Variants in TNR observed in about 807,000 individuals in gnomAD.
TNR encodes the protein tenascin R.
A neutral mutation model predicts 150.4 loss-of-function variants in TNR; 45 were observed. The observed-to-expected ratio is 0.30, with a 90% CI of 0.24 to 0.38. The LOEUF is 0.38. Ranked by LOEUF, TNR falls within the 10% of genes least tolerant of loss-of-function variation. The probability of loss-of-function intolerance (pLI) is 1.00; values close to 1 mark genes in which losing one functional copy is unlikely to be tolerated. For synonymous variants in TNR, 687 were observed against 678.4 expected (o/e 1.01, Z -0.20); for missense variants, 1,544 against 1,759.1 (o/e 0.88, Z 2.19).
intron 1 of TNR, among the ~76,000 whole-genome samples, chr1:175,648,292 A>G (rs560640038): frequency 2.6e-5 from 4 of 152,156 alleles, no homozygotes; most frequent in African/African-American, 9.7e-5. Flanking sequence ...TACGTGCTCA[A>G]TGGATATAGG....
intron 2 of TNR, among the ~76,000 whole-genome samples, chr1:175,442,815 G>A (rs1296791063): frequency 1.3e-5 from 2 of 151,732 alleles, no homozygotes; most frequent in Non-Finnish European, 2.9e-5. Flanking sequence ...CTAGGAGAAC[G>A]TAGTCTTGAG....
chr1:175,340,135 A>G (rs1650449486), intron 18 of TNR, among the ~76,000 whole-genome samples: 1 of 152,034 alleles, frequency 6.6e-6, no homozygotes, highest in Admixed American at 6.6e-5. Flanking sequence ...CAAACACTGG[A>G]TGGGATAAAC....
Position 175,356,535 on chromosome 1 carries a change from G to A in TNR, c.2975-73C>T, listed in dbSNP as rs186145765. 45 of 1,567,836 alleles carry A rather than the reference G, an allele frequency of 2.9e-5. No individual in the cohort carries two copies. The Admixed American group carries it at 5.5e-4, about 19-fold the overall frequency. The stretch of plus-strand genomic sequence containing the variant: ...TAGGAAAGATCTACCAAATCCAAAG[G>A]TATTTCACATGGATTTACTACTAGA... On this transcript the variant is annotated intron_variant, in intron 15 of 22. Transcript: ENST00000367674.
rs760796305 is a variant in TNR, at chr1:175,396,773, G to A, written c.1011C>T (p.Ile337=). 1 of 1,613,974 alleles carries A rather than the reference G, an allele frequency of 6.2e-7. No homozygotes were observed. Among genetic ancestry groups the A allele is most frequent in the Admixed American group, 1.7e-5 (1 of 60,022 alleles). Residue 337 remains isoleucine (I), a synonymous_variant, in exon 5 of 23, where the codon ATC becomes ATT. Coordinates refer to ENST00000367674, the MANE Select transcript of TNR (RefSeq NM_003285.3). ...ATTCCAGCTCAATGGACCTGTCGCT[G>A]ATACCAGCCACTCGCAAGTCCTCTG... The part of the protein sequence containing the change: ...APPEDLRVAG[I]SDRSIELEWD...
In TNR at chr1:175,427,889, G is replaced by C. The variant is rs550909840; in HGVS notation, c.-63-21112C>G. On this transcript the variant is annotated intron_variant, in intron 2 of 22. Transcript: ENST00000367674. ...TCCTTCCTTCTTCCCTCCCTTCTTC[G>C]CTTCCTTCCTTCCTTCCTTCCTTCC... Among the ~76,000 whole-genome samples the C allele has an allele frequency of 3.5e-3, 387 of 111,522 alleles. 3 individuals are homozygous for C. The highest frequency in any genetic ancestry group is 0.011 in the African/African-American group (327 of 30,208). The allele number at this position is 111,522 out of a possible 152,430, so 73.2% of individuals were successfully genotyped here. A position where few individuals can be genotyped will look rare whatever the true frequency, so the allele number is the denominator to read the frequency against.
intron 1 of TNR, among the ~76,000 whole-genome samples, chr1:175,558,462 A>G (rs1420449109): frequency 1.3e-5 from 2 of 152,210 alleles, no homozygotes; most frequent in African/African-American, 4.8e-5. Context: ...ATATGAGGAA[A>G]CTAAAGCTCA....
chr1:175,622,852 C>T lies in TNR; in HGVS notation c.-164-94483G>A, dbSNP rs544392736. Among the ~76,000 whole-genome samples, 146 of 152,260 alleles carry T rather than the reference C, an allele frequency of 9.6e-4. No individual in the cohort carries two copies. The South Asian group carries it at 0.011, about 11-fold the overall frequency. ...TGATTTATGGGCACTCTCTGGCATGCCTTAACTTAAAGCTTCTTAAGCCCA... is the reference window on the plus strand; with the variant it reads ...TGATTTATGGGCACTCTCTGGCATGTCTTAACTTAAAGCTTCTTAAGCCCA... On this transcript the variant is annotated intron_variant, in intron 1 of 22. Coordinates refer to ENST00000367674, the MANE Select transcript of TNR (RefSeq NM_003285.3).
At chr1:175,614,961 C>G (rs1158867993) in intron 1 of TNR, among the ~76,000 whole-genome samples, 2 of 152,236 alleles carry the variant, frequency 1.3e-5, no homozygotes, top group African/African-American at 2.4e-5. Flanking sequence ...CTCCCTTCCT[C>G]TAGCCCACAG....
chr1:175,692,935 C>G (rs560819530), intron 1 of TNR, among the ~76,000 whole-genome samples: 1 of 152,232 alleles, frequency 6.6e-6, no homozygotes, highest in East Asian at 1.9e-4. Flanking sequence ...GAATGTTCAC[C>G]CATTCATTCA....
At chr1:175,700,272 A>T (rs546004799) in intron 1 of TNR, among the ~76,000 whole-genome samples, 118 of 152,036 alleles carry the variant, frequency 7.8e-4, no homozygotes, top group Non-Finnish European at 1.2e-3. Flanking sequence ...CTAACACAGC[A>T]ATGGGTTTCA....
chr1:175,417,011 A>AAAAGAAAGAAAGAAAGGAAGAAAGAAAG (rs1654498851), intron 2 of TNR, among the ~76,000 whole-genome samples: 1 of 90,848 alleles, frequency 1.1e-5, no homozygotes, highest in African/African-American at 4.6e-5. Context: ...CCATCTCAAA[A>AAAAGAAAGAAAGAAAGGAAGAAAGAAAG]AAAGAAAGAA....
intron 2 of TNR, among the ~76,000 whole-genome samples, chr1:175,454,233 T>C (rs1030008983): frequency 2.6e-5 from 4 of 152,180 alleles, no homozygotes; most frequent in African/African-American, 9.7e-5. Flanking sequence ...GAAATTCCCA[T>C]TGTTAGAATC....
chr1:175,582,448 C>G (rs898025598), intron 1 of TNR, among the ~76,000 whole-genome samples: 1 of 152,218 alleles, frequency 6.6e-6, no homozygotes, highest in Non-Finnish European at 1.5e-5. Context: ...GTTGCACCAT[C>G]ACACAGAGAA....
At chr1:175,574,328 C>T (rs999043851) in intron 1 of TNR, among the ~76,000 whole-genome samples, 2 of 152,148 alleles carry the variant, frequency 1.3e-5, no homozygotes, top group South Asian at 2.1e-4. Context: ...TTTCTGTCTG[C>T]TCCTGTGGTT....
At chr1:175,373,373 A>G (rs1652195099) in intron 9 of TNR, among the ~76,000 whole-genome samples, 1 of 152,210 alleles carries the variant, frequency 6.6e-6, no homozygotes, top group African/African-American at 2.4e-5. Flanking sequence ...AAATCACACC[A>G]GATAGGCACC....
At chr1:175,624,585 G>A (rs1664085175) in intron 1 of TNR, among the ~76,000 whole-genome samples, 1 of 152,174 alleles carries the variant, frequency 6.6e-6, no homozygotes, top group Non-Finnish European at 1.5e-5. Flanking sequence ...ACCAGAAGCT[G>A]GGACGAGGTG....
intron 1 of TNR, among the ~76,000 whole-genome samples, chr1:175,652,942 T>C (rs952749072): frequency 3.9e-5 from 6 of 152,224 alleles, no homozygotes; most frequent in Non-Finnish European, 7.3e-5. Context: ...AGACTGTCAA[T>C]GTCACTATTA....
intron 2 of TNR, among the ~76,000 whole-genome samples, chr1:175,436,852 C>T (rs926210929): frequency 6.6e-6 from 1 of 152,110 alleles, no homozygotes; most frequent in African/African-American, 2.4e-5. Flanking sequence ...ATATATGCAC[C>T]CAATACAGGA....
chr1:175,628,055 C>T (rs1365472210), intron 1 of TNR, among the ~76,000 whole-genome samples: 2 of 152,184 alleles, frequency 1.3e-5, no homozygotes, highest in African/African-American at 4.8e-5. Flanking sequence ...GGTGAAAAAG[C>T]TTATTTCCTT....
Sources: gnomAD v4.1 joint callset for allele counts (sites outside exome capture counted in the v4.1 genomes callset) on GRCh38, gnomAD v4.1.1 for gene constraint, MANE v1.5 for transcripts, NCBI Gene and HGNC (gene_info 2026-07-23, HGNC 2026-07-21) for gene names.